The following KLHL18 variants were observed in gnomAD, a reference collection of about 807,000 sequenced individuals.
KLHL18 encodes the protein kelch like family member 18.
KLHL18 carries 38 observed loss-of-function variants against 58.5 expected under a neutral mutation model. The ratio of observed to expected loss-of-function variants is 0.65; its 90% CI spans 0.50 to 0.85. The LOEUF (loss-of-function observed/expected upper bound fraction) is 0.85, where lower values mean the gene tolerates loss of function less well. KLHL18 is among the 40% of genes least tolerant of loss of function. The pLI is 0.00. For synonymous variants in KLHL18, 303 were observed against 301.9 expected (o/e 1.00, Z -0.04); for missense variants, 624 against 778.4 (o/e 0.80, Z 2.36).
chr3:47,322,818 C>G, intron 3 of KLHL18, 110 bp downstream of exon 3: 1 of 1,062,512 alleles, frequency 9.4e-7, no homozygotes, highest in Non-Finnish European at 1.3e-6. Context: ...AGGGAGTGAG[C>G]TGGAAAGGTT....
At chr3:47,306,067 T>C (rs1703141440) in intron 1 of KLHL18, among the ~76,000 whole-genome samples, 1 of 152,024 alleles carries the variant, frequency 6.6e-6, no homozygotes, top group South Asian at 2.1e-4. Context: ...TGATTTCTGC[T>C]CCTTTTAATT....
At chr3:47,283,258 G>C in intron 1 of KLHL18, 164 bp downstream of exon 1, 2 of 650,238 alleles carry the variant, frequency 3.1e-6, no homozygotes, top group South Asian at 3.9e-5. Flanking sequence ...AAAGGGGATC[G>C]GGGCCGAGTG....
chr3:47,339,982 C>T (rs1370002970), intron 7 of KLHL18, among the ~76,000 whole-genome samples: 1 of 152,118 alleles, frequency 6.6e-6, no homozygotes, highest in Non-Finnish European at 1.5e-5. Context: ...CACAGGAGTT[C>T]AAGGCACAGT....
At chr3:47,287,045 A>G (rs1343782918) in intron 1 of KLHL18, among the ~76,000 whole-genome samples, 1 of 152,198 alleles carries the variant, frequency 6.6e-6, no homozygotes, top group Non-Finnish European at 1.5e-5. Flanking sequence ...TGGTACCTCC[A>G]GTGGTTCCAT....
chr3:47,285,558 GAAA>G (rs879294096), intron 1 of KLHL18, among the ~76,000 whole-genome samples: 3 of 137,366 alleles, frequency 2.2e-5, no homozygotes, highest in Non-Finnish European at 4.8e-5. Flanking sequence ...CTCTATTGGG[GAAA>G]AAAAAAAAAA....
intron 1 of KLHL18, among the ~76,000 whole-genome samples, chr3:47,296,581 G>A (rs1702901659): frequency 6.6e-6 from 1 of 152,192 alleles, no homozygotes; most frequent in Non-Finnish European, 1.5e-5. Flanking sequence ...ATCACCAGAG[G>A]CCTAAGGGAA....
At chr3:47,296,397 T>C (rs182720658) in intron 1 of KLHL18, among the ~76,000 whole-genome samples, 17 of 152,330 alleles carry the variant, frequency 1.1e-4, no homozygotes, top group Admixed American at 1.3e-4. Flanking sequence ...CAACATACTA[T>C]ATAAGTGCAT....
At chr3:47,296,557 G>T (rs1013196679) in intron 1 of KLHL18, among the ~76,000 whole-genome samples, 2 of 152,208 alleles carry the variant, frequency 1.3e-5, no homozygotes, top group Non-Finnish European at 2.9e-5. Context: ...GATAAATTCT[G>T]TAACTGCATA....
Position 47,343,971 on chromosome 3 carries a change from A to G in KLHL18, c.*30A>G, listed in dbSNP as rs1576192090. On this transcript the variant is annotated 3_prime_UTR_variant, in exon 10 of 10. Transcript: ENST00000232766. ...GAGGATGGGATGTGGTGGGGCAGGG[A>G]TCTGGTACAGACATAGGCGCTTCCT... 6.2e-7 allele frequency: 1 copy of G among 1,608,186 alleles called. No homozygotes were observed. The highest frequency in any genetic ancestry group is 8.5e-7 in the Non-Finnish European group (1 of 1,179,542).
intron 1 of KLHL18, among the ~76,000 whole-genome samples, chr3:47,306,021 T>G (rs1703140195): frequency 6.6e-6 from 1 of 152,110 alleles, no homozygotes; most frequent in South Asian, 2.1e-4. Flanking sequence ...ATCTTTTTGT[T>G]TCATTAGTTT....
chr3:47,323,027 C>G (rs566927144), intron 3 of KLHL18, among the ~76,000 whole-genome samples: 1 of 152,206 alleles, frequency 6.6e-6, no homozygotes, highest in South Asian at 2.1e-4. Flanking sequence ...GTGCAGTGCT[C>G]CTCTACTGTT....
chr3:47,327,485 G>A (rs1703753408), intron 3 of KLHL18, among the ~76,000 whole-genome samples: 1 of 152,226 alleles, frequency 6.6e-6, no homozygotes. Context: ...AGCACATGCT[G>A]TAGAGGCCCA....
At chr3:47,341,229 T>A (rs1342850481) in intron 8 of KLHL18, among the ~76,000 whole-genome samples, 1 of 152,212 alleles carries the variant, frequency 6.6e-6, no homozygotes, top group Middle Eastern at 3.2e-3. Context: ...TGAAAAACAT[T>A]GACAAGGTTA....
In KLHL18 at chr3:47,336,694, TGGAGGCCTACAACCC is replaced by T; in HGVS notation, c.1063_1077del (p.Ala355_Glu359del). ...GACGGCCAGCTACGGCTGAGCACTGTGGAGGCCTACAACCCGGAGACAGACACATGGACCAGAGTG... is the reference window on the plus strand; with the variant it reads ...GACGGCCAGCTACGGCTGAGCACTGTGGAGACAGACACATGGACCAGAGTG... On this transcript the variant is annotated inframe_deletion, in exon 7 of 10. Coordinates refer to ENST00000232766, the MANE Select transcript of KLHL18 (RefSeq NM_025010.5). The T allele has an allele frequency of 6.2e-7, 1 of 1,614,226 alleles. No individual in the cohort carries two copies. Among genetic ancestry groups the T allele is most frequent in the East Asian group, 2.2e-5 (1 of 44,882 alleles).
chr3:47,340,483 G>A, intron 7 of KLHL18, 89 bp from the exon 8 acceptor site: 1 of 1,588,956 alleles, frequency 6.3e-7, no homozygotes, highest in Non-Finnish European at 8.6e-7. Flanking sequence ...GCAGAAAGAG[G>A]CAATTGATAG....
intron 2 of KLHL18, among the ~76,000 whole-genome samples, chr3:47,321,839 A>G (rs959154881): frequency 2.6e-5 from 4 of 152,300 alleles, no homozygotes; most frequent in Non-Finnish European, 5.9e-5. Flanking sequence ...TCTTAATTGA[A>G]GTGAGGGAAT....
intron 5 of KLHL18, among the ~76,000 whole-genome samples, chr3:47,333,934 C>T (rs1703925881): frequency 6.6e-6 from 1 of 152,234 alleles, no homozygotes; most frequent in African/African-American, 2.4e-5. Context: ...CATTCTCCTC[C>T]AGATTGCTTA....
intron 1 of KLHL18, among the ~76,000 whole-genome samples, chr3:47,284,417 ACT>A (rs1376726805): frequency 3.4e-5 from 5 of 148,060 alleles, no homozygotes; most frequent in Non-Finnish European, 7.5e-5. Context: ...GCTCACTGAA[ACT>A]CTCTCTCCTG....
chr3:47,330,952 G>A (rs900804416), intron 4 of KLHL18, among the ~76,000 whole-genome samples: 9 of 151,198 alleles, frequency 6.0e-5, no homozygotes, highest in African/African-American at 1.9e-4. Flanking sequence ...GGCTGGTCTC[G>A]AATTCCTGAC....
Sources: allele counts gnomAD v4.1 joint callset (sites outside exome capture counted in the v4.1 genomes callset), GRCh38; gene constraint gnomAD v4.1.1; transcripts MANE v1.5; gene names NCBI Gene and HGNC (gene_info 2026-07-23, HGNC 2026-07-21).